Variants in NRK observed in about 807,000 individuals in gnomAD.
NRK encodes nik-related protein kinase.
Under a neutral mutation model 125.2 loss-of-function variants are expected in NRK, and 67 were observed. That is an observed-to-expected ratio of 0.54 (90% CI 0.44 to 0.66). NRK has a LOEUF of 0.66. Ranked by LOEUF, NRK falls within the 30% of genes least tolerant of loss-of-function variation. NRK has a pLI of 0.00. For missense variants in NRK, 1,224 were observed against 1,192.9 expected (o/e 1.03, Z -0.38); for synonymous variants, 458 against 429.0 (o/e 1.07, Z -0.84).
chrX:105,875,474 TTA>T (rs1393321175), intron 2 of NRK, among the ~76,000 whole-genome samples: 1 of 111,320 alleles, frequency 9.0e-6, no homozygotes, highest in African/African-American at 3.3e-5. Context: ...TGCTTAAATG[TTA>T]GTGACAAATT....
intron 2 of NRK, among the ~76,000 whole-genome samples, chrX:105,857,037 T>G (rs1240862403): frequency 9.0e-6 from 1 of 111,674 alleles, no homozygotes; most frequent in African/African-American, 3.3e-5. Flanking sequence ...AATTTTGCAT[T>G]TATATTTATC....
At chrX:105,888,686 C>T (rs1217725661) in intron 5 of NRK, among the ~76,000 whole-genome samples, 1 of 111,219 alleles carries the variant, frequency 9.0e-6, no homozygotes. Context: ...GAGGAGACCT[C>T]ACAATCACGG....
Position 105,949,664 on chromosome X carries a change from C to G in NRK, c.4443C>G (p.Leu1481=). The change falls in exon 27 of 29, where the codon CTC becomes CTG. Residue 1481 remains leucine (L), a synonymous_variant. Coordinates refer to ENST00000243300, the MANE Select transcript of NRK (RefSeq NM_198465.4). ...TGCTCACCTTCAATGCTGAAGCCCTCTCTGTGGAAGCAAATGAACAACTCT... is the reference window on the plus strand; with the variant it reads ...TGCTCACCTTCAATGCTGAAGCCCTGTCTGTGGAAGCAAATGAACAACTCT... ...GMMLTFNAEA[L]SVEANEQLFK... 8.3e-7 allele frequency: 1 copy of G among 1,200,385 alleles called. No homozygotes were observed. Among genetic ancestry groups the G allele is most frequent in the Non-Finnish European group, 1.1e-6 (1 of 885,840 alleles).
At chrX:105,934,153 G>A in intron 19 of NRK, 105 bp from the exon 20 acceptor site, 2 of 458,789 alleles carry the variant, frequency 4.4e-6, no homozygotes. Flanking sequence ...GAATGTAGAT[G>A]TTATAGATCT....
At chrX:105,826,534 G>A (rs894468925) in intron 1 of NRK, among the ~76,000 whole-genome samples, 3 of 104,636 alleles carry the variant, frequency 2.9e-5, no homozygotes, top group Admixed American at 1.1e-4. Context: ...CATTCCTCAC[G>A]GCTGTGGCCT....
At chrX:105,892,313 A>T (rs2040026250) in intron 5 of NRK, among the ~76,000 whole-genome samples, 1 of 112,253 alleles carries the variant, frequency 8.9e-6, no homozygotes, top group Non-Finnish European at 1.9e-5. Context: ...TTGAACTGAG[A>T]TCTGAAGGAT....
At chrX:105,950,527 A>AGTGTGTGTGTGT (rs56383254) in intron 27 of NRK, among the ~76,000 whole-genome samples, 4 of 77,977 alleles carry the variant, frequency 5.1e-5, no homozygotes, top group Non-Finnish European at 9.8e-5. Flanking sequence ...AAAAGGCAGC[A>AGTGTGTGTGTGT]GTGTGTGTGT....
intron 4 of NRK, among the ~76,000 whole-genome samples, chrX:105,885,772 G>T (rs951119332): frequency 2.7e-5 from 3 of 111,643 alleles, no homozygotes; most frequent in South Asian, 7.5e-4. Flanking sequence ...TTCTGATAGC[G>T]CTCGGAGTAA....
intron 1 of NRK, among the ~76,000 whole-genome samples, chrX:105,824,113 G>T (rs2039060924): frequency 9.0e-6 from 1 of 111,412 alleles, no homozygotes; most frequent in South Asian, 3.8e-4. Context: ...GGTACACATG[G>T]GTAACATTTT....
Position 105,880,190 on chromosome X carries a change from G to T in NRK, c.124-9G>T. The T allele has an allele frequency of 9.9e-7, 1 of 1,007,650 alleles. No individual in the cohort carries two copies. Among genetic ancestry groups the T allele is most frequent in the Admixed American group, 2.8e-5 (1 of 35,752 alleles). 83.0% of individuals were successfully genotyped at this position (1,007,650 alleles called of 1,213,427 possible). ...AGCATTTGATATTTATCACTATCCTGTATTTCAGGGACTTCATGAGAAGAC... is the reference window on the plus strand; with the variant it reads ...AGCATTTGATATTTATCACTATCCTTTATTTCAGGGACTTCATGAGAAGAC... On this transcript the variant is annotated splice_polypyrimidine_tract_variant and intron_variant, in intron 2 of 28. Transcript: ENST00000243300.
intron 11 of NRK, chrX:105,907,158 C>T (rs982829341): frequency 2.7e-5 from 3 of 110,560 alleles, no homozygotes; most frequent in Non-Finnish European, 5.7e-5. Context: ...TAAAAGTGAA[C>T]TTCTATTAAA....
In NRK at chrX:105,905,310, G is replaced by A. The variant is rs748077231; in HGVS notation, c.812G>A (p.Arg271Gln). ...QPLEALFVIL[R>Q]ESAPTVKSSG... Reference sequence around the variant, plus strand: ...TTGGAAGCTCTCTTCGTTATTTTGCGGGAATCTGCTCCCACAGTCAAATCC... The same window carrying A: ...TTGGAAGCTCTCTTCGTTATTTTGCAGGAATCTGCTCCCACAGTCAAATCC... Residue 271 changes from arginine (R) to glutamine (Q), a missense_variant, in exon 10 of 29, where the codon CGG becomes CAG. Physicochemically the swap from Arg to Gln is conservative, Grantham distance 43. Transcript: ENST00000243300. The A allele has an allele frequency of 2.8e-5, 34 of 1,202,941 alleles. No individual in the cohort carries two copies. The highest frequency in any genetic ancestry group is 5.9e-5 in the East Asian group (2 of 33,623).
At chrX:105,831,148 C>T in intron 2 of NRK, 29 bp downstream of exon 2, 1 of 887,735 alleles carries the variant, frequency 1.1e-6, no homozygotes, top group Non-Finnish European at 1.6e-6. Context: ...TTTATTCATT[C>T]TTCATTTTCT....
intron 14 of NRK, among the ~76,000 whole-genome samples, chrX:105,914,778 A>C (rs2040344936): frequency 9.3e-6 from 1 of 107,959 alleles, no homozygotes; most frequent in Non-Finnish European, 1.9e-5. Flanking sequence ...AGGCTACTCT[A>C]GTTTCTAGAA....
At chrX:105,898,814 TC>T in intron 8 of NRK, 100 bp downstream of exon 8, 1 of 677,088 alleles carries the variant, frequency 1.5e-6, no homozygotes, top group Non-Finnish European at 2.1e-6. Flanking sequence ...AGCAGGCAGC[TC>T]CACATTTTAC....
chrX:105,876,483 G>A (rs2039817479), intron 2 of NRK, among the ~76,000 whole-genome samples: 1 of 110,277 alleles, frequency 9.1e-6, no homozygotes, highest in Non-Finnish European at 1.9e-5. Context: ...GGAGCTAGTG[G>A]CTCCTGTATG....
chrX:105,873,082 G>A (rs1418575579), intron 2 of NRK, among the ~76,000 whole-genome samples: 1 of 111,828 alleles, frequency 8.9e-6, no homozygotes, highest in Non-Finnish European at 1.9e-5. Flanking sequence ...CCAGAAAACC[G>A]ATTGAAAAGA....
intron 2 of NRK, among the ~76,000 whole-genome samples, chrX:105,858,854 T>C (rs1367613969): frequency 8.9e-6 from 1 of 111,854 alleles, no homozygotes; most frequent in Non-Finnish European, 1.9e-5. Context: ...GTTGAAGTGA[T>C]GTATCAGGTT....
intron 19 of NRK, among the ~76,000 whole-genome samples, chrX:105,925,379 A>G (rs1021457207): frequency 1.8e-5 from 2 of 111,689 alleles, no homozygotes; most frequent in African/African-American, 6.5e-5. Context: ...AATATATACA[A>G]TTTGTAATGA....
Sources: gnomAD v4.1 joint callset for allele counts (sites outside exome capture counted in the v4.1 genomes callset) on GRCh38, gnomAD v4.1.1 for gene constraint, MANE v1.5 for transcripts, NCBI Gene and HGNC (gene_info 2026-07-23, HGNC 2026-07-21) for gene names.